The following ZCCHC24 variants were observed in gnomAD, a reference collection of about 807,000 sequenced individuals.
The protein encoded by ZCCHC24 is zinc finger CCHC-type containing 24.
Under a neutral mutation model 26.2 loss-of-function variants are expected in ZCCHC24, and 10 were observed. The ratio of observed to expected loss-of-function variants is 0.38; its 90% CI spans 0.24 to 0.65. ZCCHC24 has a LOEUF of 0.65. Ranked by LOEUF, ZCCHC24 falls within the 30% of genes least tolerant of loss-of-function variation. The probability of loss-of-function intolerance (pLI) is 0.54; values close to 1 mark genes in which losing one functional copy is unlikely to be tolerated. For synonymous variants in ZCCHC24, 144 were observed against 147.1 expected (o/e 0.98, Z 0.15); for missense variants, 243 against 329.1 (o/e 0.74, Z 2.03).
chr10:79,426,933 T>A lies in ZCCHC24; in HGVS notation c.447+5625A>T, dbSNP rs188996154. Among the ~76,000 whole-genome samples, 11 of 152,258 alleles carry A rather than the reference T, an allele frequency of 7.2e-5. No homozygotes were observed. In the East Asian group the frequency reaches 2.1e-3, roughly 29 times the overall value. ...ACAACAAAAAACAAGATCAACTATA[T>A]GCTATCTACAGGAGATGCACTTTAA... On this transcript the variant is annotated intron_variant, in intron 2 of 3. Coordinates refer to ENST00000372336, the MANE Select transcript of ZCCHC24 (RefSeq NM_153367.4).
chr10:79,425,778 G>A (rs76771888), intron 2 of ZCCHC24, among the ~76,000 whole-genome samples: 11,131 of 152,240 alleles, frequency 0.073, 478 homozygotes, highest in African/African-American at 0.1. Flanking sequence ...AGAAGCTATT[G>A]CTATTGTATA....
intron 3 of ZCCHC24, among the ~76,000 whole-genome samples, chr10:79,390,994 C>G (rs769043352): frequency 2.6e-5 from 4 of 152,190 alleles, no homozygotes; most frequent in Non-Finnish European, 4.4e-5. Context: ...TCTCATACCC[C>G]CTCCCAGCTT....
intron 1 of ZCCHC24, among the ~76,000 whole-genome samples, chr10:79,437,990 G>T (rs1377544814): frequency 2.0e-5 from 3 of 152,196 alleles, no homozygotes; most frequent in South Asian, 2.1e-4. Flanking sequence ...CAGCAGGCAG[G>T]ATGGGGAGCA....
At chr10:79,421,437 CCCCTCCCTCCCTTCCT>C (rs58448412) in intron 2 of ZCCHC24, among the ~76,000 whole-genome samples, 1 of 122,930 alleles carries the variant, frequency 8.1e-6, no homozygotes, top group Non-Finnish European at 1.8e-5. Flanking sequence ...CTCTCCCTTC[CCCCTCCCTCCCTTCCT>C]CCCTCCCTCC....
chr10:79,388,385 A>G (rs1261600739), intron 3 of ZCCHC24, among the ~76,000 whole-genome samples: 2 of 152,168 alleles, frequency 1.3e-5, no homozygotes, highest in African/African-American at 4.8e-5. Flanking sequence ...CAGCTCCTCC[A>G]TCTGGGGCTT....
At chr10:79,431,641 C>G (rs1219084866) in intron 2 of ZCCHC24, among the ~76,000 whole-genome samples, 1 of 152,228 alleles carries the variant, frequency 6.6e-6, no homozygotes, top group Non-Finnish European at 1.5e-5. Flanking sequence ...TGGCCTCCCA[C>G]TGGTCCTGAA....
At chr10:79,432,102 G>A (rs368346005) in intron 2 of ZCCHC24, among the ~76,000 whole-genome samples, 59 of 152,342 alleles carry the variant, frequency 3.9e-4, no homozygotes, top group African/African-American at 1.4e-3. Context: ...TTCCCTCACA[G>A]GCTGAGGAGG....
At chr10:79,394,686 C>G in intron 2 of ZCCHC24, 1 of 968,112 alleles carries the variant, frequency 1.0e-6, no homozygotes, top group Non-Finnish European at 1.2e-6. Flanking sequence ...GCGCACGTCT[C>G]TTCTAGATTT....
chr10:79,427,476 A>G (rs971738543), intron 2 of ZCCHC24, among the ~76,000 whole-genome samples: 2 of 152,226 alleles, frequency 1.3e-5, no homozygotes, highest in Non-Finnish European at 2.9e-5. Context: ...AAGGGTTAAT[A>G]TAATATAAAA....
At chr10:79,413,766 G>GTC (rs2132197744) in intron 2 of ZCCHC24, among the ~76,000 whole-genome samples, 1 of 102,004 alleles carries the variant, frequency 9.8e-6, no homozygotes, top group South Asian at 4.6e-4. Context: ...GCGCATGTGT[G>GTC]TGTGTGTGTG....
intron 2 of ZCCHC24, among the ~76,000 whole-genome samples, chr10:79,413,957 A>G (rs751119611): frequency 6.6e-6 from 1 of 152,220 alleles, no homozygotes; most frequent in Non-Finnish European, 1.5e-5. Flanking sequence ...GCATGGCCAC[A>G]TGTGCCCCTC....
intron 1 of ZCCHC24, among the ~76,000 whole-genome samples, chr10:79,442,599 C>T (rs1005377692): frequency 6.6e-6 from 1 of 152,216 alleles, no homozygotes. Flanking sequence ...ATGCAAGTCA[C>T]ATCCGCAGGC....
At chr10:79,401,912 C>T (rs943691037) in intron 2 of ZCCHC24, among the ~76,000 whole-genome samples, 4 of 152,246 alleles carry the variant, frequency 2.6e-5, no homozygotes, top group Admixed American at 6.5e-5. Context: ...TCCTGCAGCC[C>T]GGCCGCTGAG....
At position 79,430,686 on chromosome 10, in the gene ZCCHC24, C is replaced by CACA. The variant is rs370025190; in HGVS notation, c.447+1871_447+1872insTGT. 2.2e-3 allele frequency among the ~76,000 whole-genome samples: 313 copies of CACA among 140,688 alleles called. 2 individuals carry two copies. Among genetic ancestry groups the CACA allele is most frequent in the Middle Eastern group, 0.011 (3 of 272 alleles). 92.3% of individuals were successfully genotyped at this position (140,688 alleles called of 152,430 possible). On this transcript the variant is annotated intron_variant, in intron 2 of 3. Coordinates refer to ENST00000372336, the MANE Select transcript of ZCCHC24 (RefSeq NM_153367.4). ...GTGCACATACACTCACACACACACACCACACACACACACACACACACACAC... is the reference window on the plus strand; with the variant it reads ...GTGCACATACACTCACACACACACACACACACACACACACACACACACACACAC...
intron 2 of ZCCHC24, among the ~76,000 whole-genome samples, chr10:79,397,193 G>A (rs1856558339): frequency 6.6e-6 from 1 of 152,134 alleles, no homozygotes; most frequent in Admixed American, 6.5e-5. Context: ...TGATCTCCTG[G>A]GCCCACTGCC....
chr10:79,387,600 C>T (rs917028040), intron 3 of ZCCHC24, among the ~76,000 whole-genome samples: 1 of 150,392 alleles, frequency 6.6e-6, no homozygotes. Context: ...GGAAGCTGGT[C>T]AGGGCCAGCC....
chr10:79,396,269 G>A (rs1295403395), intron 2 of ZCCHC24, among the ~76,000 whole-genome samples: 1 of 152,212 alleles, frequency 6.6e-6, no homozygotes, highest in Non-Finnish European at 1.5e-5. Context: ...AGACACTGGG[G>A]CTGTTTCTAA....
intron 2 of ZCCHC24, among the ~76,000 whole-genome samples, chr10:79,431,961 C>A (rs1050209089): frequency 6.6e-6 from 1 of 152,310 alleles, no homozygotes; most frequent in East Asian, 1.9e-4. Context: ...AGCATTGGAT[C>A]AGGTGGGGGC....
chr10:79,403,892 G>T (rs1349310675), intron 2 of ZCCHC24, among the ~76,000 whole-genome samples: 1 of 152,154 alleles, frequency 6.6e-6, no homozygotes, highest in African/African-American at 2.4e-5. Flanking sequence ...GAGTGGGGGT[G>T]TGGAGAGGAG....
Sources: allele counts gnomAD v4.1 joint callset (sites outside exome capture counted in the v4.1 genomes callset), GRCh38; gene constraint gnomAD v4.1.1; transcripts MANE v1.5; gene names NCBI Gene and HGNC (gene_info 2026-07-23, HGNC 2026-07-21).